GTPBP2: variants seen among roughly 807,000 people sequenced by gnomAD.
GTPBP2 encodes the protein GTP-binding protein 2.
In GTPBP2, 32 loss-of-function variants were observed where a neutral mutation model predicts 63.0. The observed-to-expected ratio is 0.51, with a 90% CI of 0.38 to 0.68. The LOEUF is 0.68. GTPBP2 is among the 30% of genes least tolerant of loss of function. GTPBP2 has a pLI of 0.00. For missense variants in GTPBP2, 492 were observed against 796.9 expected (o/e 0.62, Z 4.61); for synonymous variants, 310 against 322.6 (o/e 0.96, Z 0.42).
At position 43,624,112 on chromosome 6, in the gene GTPBP2, C is replaced by T; in HGVS notation, c.1101-44G>A. The T allele has an allele frequency of 6.4e-7, 1 of 1,560,430 alleles. No individual in the cohort carries two copies. Among genetic ancestry groups the T allele is most frequent in the East Asian group, 2.3e-5 (1 of 44,418 alleles). On this transcript the variant is annotated intron_variant, in intron 7 of 11. Coordinates refer to ENST00000307126, the MANE Select transcript of GTPBP2 (RefSeq NM_019096.5). The surrounding 1 kb of genome is among the most constrained non-coding windows in gnomAD (Gnocchi z 5.1). ...AATGGACAGATGAAGACAGTCCAAA[C>T]AGGAGGCAGAGGCCAGAGCCCCATA...
rs1008324990 is a variant in GTPBP2, at chr6:43,621,809, C to T, written c.1633-19G>A. On this transcript the variant is annotated intron_variant, in intron 11 of 11. Transcript: ENST00000307126. ...GTTTGTCCTGCAGCAAATAAGTGGT[C>T]ACTCCCCTGGCCAGTGCCTTCTGTC... The T allele has an allele frequency of 3.1e-6, 5 of 1,613,958 alleles. No individual in the cohort carries two copies. The highest frequency in any genetic ancestry group is 1.7e-5 in the Admixed American group (1 of 59,996).
At chr6:43,631,287 C>G (rs1384905208), upstream of GTPBP2, among the ~76,000 whole-genome samples, 1 of 152,112 alleles carries the variant, frequency 6.6e-6, no homozygotes, top group Non-Finnish European at 1.5e-5. Context: ...GGGGCACAGG[C>G]CTACTAGGGA....
Position 43,621,360 on chromosome 6 carries a change from G to A in GTPBP2, c.*254C>T. The A allele has an allele frequency of 6.9e-7, 1 of 1,453,978 alleles. No individual in the cohort carries two copies. 90.1% of individuals were successfully genotyped at this position (1,453,978 alleles called of 1,614,324 possible). On this transcript the variant is annotated 3_prime_UTR_variant, in exon 12 of 12. Transcript: ENST00000307126. ...GGCAGACAGGCCACAGGGTTGCCAG[G>A]TTTGATGAGCCAACCAGGTGAGCAC... is the stretch of plus-strand genomic sequence containing the variant.
At position 43,629,143 on chromosome 6, in the gene GTPBP2, T is replaced by C. The variant is rs1582357243; in HGVS notation, c.20A>G (p.Glu7Gly). 2 of 1,455,554 alleles carry C rather than the reference T, an allele frequency of 1.4e-6. No homozygotes were observed. Among genetic ancestry groups the C allele is most frequent in the Non-Finnish European group, 1.8e-6 (2 of 1,110,800 alleles). 90.2% of individuals were successfully genotyped at this position (1,455,554 alleles called of 1,614,324 possible). Residue 7 changes from glutamate to glycine, a missense_variant, in exon 1 of 12, where the codon GAG becomes GGG. Around this residue, in one of 2 missense-constraint regions of GTPBP2, gnomAD observed 92 missense variants for 86.1 expected, o/e 1.07. Transcript: ENST00000307126. MDSRVSELFGGCCRPGG... is the reference protein window; with the variant it reads MDSRVSGLFGGCCRPGG... ...GGGCCGGCAGCAGCCGCCGAACAGC[T>C]CCGATACCCGCGAGTCCATCCGCCG...
At position 43,623,977 on chromosome 6, in the gene GTPBP2, T is replaced by C; in HGVS notation, c.1192A>G (p.Ser398Gly). 11 of 1,614,156 alleles carry C rather than the reference T, an allele frequency of 6.8e-6. No individual in the cohort carries two copies. The highest frequency in any genetic ancestry group is 9.3e-6 in the Non-Finnish European group (11 of 1,179,994). The stretch of plus-strand genomic sequence containing the variant: ...TGCATGAGTTCCTCCTGCTCTTTGC[T>C]GTTGGTGAGTGGCGGCAGAATATTC... ...FLNILPPLTN[S>G]KEQEELMQQL... Residue 398 changes from serine to glycine, a missense_variant, in exon 8 of 12, where the codon AGC becomes GGC. Transcript: ENST00000307126.
At chr6:43,628,167 C>T (rs1769540061) in intron 1 of GTPBP2, among the ~76,000 whole-genome samples, 2 of 152,102 alleles carry the variant, frequency 1.3e-5, no homozygotes, top group Admixed American at 1.3e-4. Flanking sequence ...AGTTTGAGAC[C>T]AGCCTGGCCA....
At position 43,628,969 on chromosome 6, in the gene GTPBP2, G is replaced by A. The variant is rs1769682981; in HGVS notation, c.186+8C>T. On this transcript the variant is annotated splice_region_variant and intron_variant, in intron 1 of 11. Transcript: ENST00000307126. The stretch of plus-strand genomic sequence containing the variant: ...TTCTTCCCGCCCTACCACTTCTCAG[G>A]TGCTCACCTCGGGGGGCAAATACGG... 1 of 1,613,102 alleles carries A rather than the reference G, an allele frequency of 6.2e-7. No individual in the cohort carries two copies. The highest frequency in any genetic ancestry group is 8.5e-7 in the Non-Finnish European group (1 of 1,179,266).
In GTPBP2 at chr6:43,622,329, T is replaced by A. The variant is rs938389484; in HGVS notation, c.1468-162A>T. Among the ~76,000 whole-genome samples, 2 of 152,128 alleles carry A rather than the reference T, an allele frequency of 1.3e-5. No individual in the cohort carries two copies. The highest frequency in any genetic ancestry group is 2.9e-5 in the Non-Finnish European group (2 of 68,020). ...CAATAATCAAAACTCTCAGAGGGAA[T>A]GAGTCTTTACCCACCTCCTACGTCC... On this transcript the variant is annotated intron_variant, in intron 10 of 11. Coordinates refer to ENST00000307126, the MANE Select transcript of GTPBP2 (RefSeq NM_019096.5). The surrounding 1 kb of genome is among the most constrained non-coding windows in gnomAD (Gnocchi z 5.4).
Position 43,629,215 on chromosome 6 carries a change from T to TCGC in GTPBP2, c.-56_-54dup. The TCGC allele has an allele frequency of 8.4e-7, 1 of 1,192,916 alleles. No homozygotes were observed. The highest frequency in any genetic ancestry group is 1.1e-6 in the Non-Finnish European group (1 of 940,718). The allele number at this position is 1,192,916 out of a possible 1,614,324, so 73.9% of individuals were successfully genotyped here. ...GCCCCTCCCCCGACCGCCGCCGCCG[T>TCGC]CGCCGCCGCCCTTACTGCCACTGCC... is the stretch of plus-strand genomic sequence containing the variant. On this transcript the variant is annotated 5_prime_UTR_variant, in exon 1 of 12. Transcript: ENST00000307126.
chr6:43,628,791 G>A, intron 1 of GTPBP2, 186 bp downstream of exon 1: 2 of 810,302 alleles, frequency 2.5e-6, no homozygotes, highest in East Asian at 2.4e-5. Context: ...CCTGTCACCT[G>A]AGAGTCCAGT....
In GTPBP2 at chr6:43,624,193, G is replaced by A; in HGVS notation, c.1101-125C>T. The A allele has an allele frequency of 1.3e-6, 1 of 792,496 alleles. No individual in the cohort carries two copies. Among genetic ancestry groups the A allele is most frequent in the Non-Finnish European group, 2.0e-6 (1 of 504,012 alleles). 49.1% of individuals were successfully genotyped at this position (792,496 alleles called of 1,614,324 possible). ...GGCCCCTCTCTCCTGTCTGCAAATG[G>A]CTCAGGAACTCTGGGCCTTCTTGTG... On this transcript the variant is annotated intron_variant, in intron 7 of 11. Coordinates refer to ENST00000307126, the MANE Select transcript of GTPBP2 (RefSeq NM_019096.5). The surrounding 1 kb of genome is among the most constrained non-coding windows in gnomAD (Gnocchi z 5.1).
Position 43,623,720 on chromosome 6 carries a change from C to CA in GTPBP2, c.1295+16dup. On this transcript the variant is annotated intron_variant, in intron 9 of 11. Coordinates refer to ENST00000307126, the MANE Select transcript of GTPBP2 (RefSeq NM_019096.5). ...GGTGAGGGCTGAGTGGGGAGGGTAG[C>CA]AAGCAAGACAATTTACCTGGAAAGT... 1 of 1,595,478 alleles carries CA rather than the reference C, an allele frequency of 6.3e-7. No homozygotes were observed. Among genetic ancestry groups the CA allele is most frequent in the Non-Finnish European group, 8.6e-7 (1 of 1,163,040 alleles).
rs747087499 is a variant in GTPBP2 at position 43,622,699 on chromosome 6, A to G, written c.1401T>C (p.Arg467=). Reference sequence around the variant, plus strand: ...TAGCAGCCTGACCAGCTCGCAGCACACGACAGGCAGAGCGGTTGCGCTGGA... The same window carrying G: ...TAGCAGCCTGACCAGCTCGCAGCACGCGACAGGCAGAGCGGTTGCGCTGGA... ...CSIQRNRSAC[R]VLRAGQAATL... is the part of the protein sequence containing the mutation. Residue 467 remains arginine (R), a synonymous_variant, in exon 10 of 12, where the codon CGT becomes CGC. Transcript: ENST00000307126. The surrounding 1 kb of genome is among the most constrained non-coding windows in gnomAD (Gnocchi z 5.4). 7.4e-6 allele frequency: 12 copies of G among 1,614,066 alleles called. No homozygotes were observed. The South Asian group carries it at 1.2e-4, about 16-fold the overall frequency.
chr6:43,628,743 A>C (rs755694061), intron 1 of GTPBP2: 1 of 765,050 alleles, frequency 1.3e-6, no homozygotes, highest in African/African-American at 1.7e-5. Flanking sequence ...CTAGATCAGA[A>C]GGGGGAGTCC....
Position 43,625,629 on chromosome 6 carries a change from C to T in GTPBP2, c.508-69G>A. On this transcript the variant is annotated intron_variant, in intron 4 of 11. Transcript: ENST00000307126. The surrounding 1 kb of genome is among the most constrained non-coding windows in gnomAD (Gnocchi z 5.1). ...CTCTAACTGAAGACTGGGTCAAGGG[C>T]AGTGACGCTCCCTAGGGAGCAAGTG... The T allele has an allele frequency of 6.9e-7, 1 of 1,441,334 alleles. No homozygotes were observed. The highest frequency in any genetic ancestry group is 9.8e-7 in the Non-Finnish European group (1 of 1,023,836). 89.3% of individuals were successfully genotyped at this position (1,441,334 alleles called of 1,614,324 possible).
chr6:43,623,455 G>C, intron 9 of GTPBP2: 1 of 470,276 alleles, frequency 2.1e-6, no homozygotes, highest in Non-Finnish European at 3.8e-6. Flanking sequence ...TGTGTGAGAT[G>C]AAGTCAGTTG....
At position 43,624,556 on chromosome 6, in the gene GTPBP2, C is replaced by G. The variant is rs776757511; in HGVS notation, c.1054G>C (p.Glu352Gln). Residue 352 changes from glutamate to glutamine, a missense_variant, in exon 7 of 12, where the codon GAG becomes CAG. By Grantham distance (29) the Glu-to-Gln change is conservative. Coordinates refer to ENST00000307126, the MANE Select transcript of GTPBP2 (RefSeq NM_019096.5). The surrounding 1 kb of genome is among the most constrained non-coding windows in gnomAD (Gnocchi z 5.1). ...CHKVPMLVTS[E>Q]DDAVTAAQQF... Reference sequence around the variant, plus strand: ...TGGGCAGCAGTGACGGCATCATCCTCAGAGGTGACCAGCATGGGGACCTTG... The same window carrying G: ...TGGGCAGCAGTGACGGCATCATCCTGAGAGGTGACCAGCATGGGGACCTTG... 6.8e-6 allele frequency: 11 copies of G among 1,614,156 alleles called. No homozygotes were observed. Among genetic ancestry groups the G allele is most frequent in the East Asian group, 2.2e-5 (1 of 44,876 alleles).
chr6:43,621,979 A>C, intron 11 of GTPBP2, 24 bp downstream of exon 11: 1 of 1,613,822 alleles, frequency 6.2e-7, no homozygotes, highest in Non-Finnish European at 8.5e-7. Flanking sequence ...CCTCTGGAGA[A>C]ATGGAAGGCC....
rs2127831506 is a variant in GTPBP2, at chr6:43,621,133, G to A, written c.*481C>T. 6.4e-6 allele frequency: 2 copies of A among 311,606 alleles called. No homozygotes were observed. The highest frequency in any genetic ancestry group is 1.6e-4 in the East Asian group (2 of 12,402). The allele number at this position is 311,606 out of a possible 1,614,324, so 19.3% of individuals were successfully genotyped here. A position where few individuals can be genotyped will look rare whatever the true frequency, so the allele number is the denominator to read the frequency against. On this transcript the variant is annotated 3_prime_UTR_variant, in exon 12 of 12. Transcript: ENST00000307126. ...CTCTGGGCCGCCACCACCACCAGAT[G>A]GCCAAGAGCAGATAACCTTTTGTCC... is the stretch of plus-strand genomic sequence containing the variant.
Sources: gnomAD v4.1 joint callset for allele counts (sites outside exome capture counted in the v4.1 genomes callset) on GRCh38, gnomAD v4.1.1 for gene constraint, gnomAD v4.1.1 regional missense constraint, Gnocchi (gnomAD v3.1) non-coding constraint, MANE v1.5 for transcripts, NCBI Gene and HGNC (gene_info 2026-07-23, HGNC 2026-07-21) for gene names.